CSE1L: variants seen among roughly 807,000 people sequenced by gnomAD.
CSE1L encodes chromosome segregation 1 like, also known as exportin-2.
A neutral mutation model predicts 120.4 loss-of-function variants in CSE1L; 24 were observed. That is an observed-to-expected ratio of 0.20 (90% CI 0.14 to 0.28). The LOEUF (loss-of-function observed/expected upper bound fraction) is 0.28, where lower values mean the gene tolerates loss of function less well. Among genes scored for constraint, CSE1L ranks in the 10% least tolerant of loss-of-function variants. The pLI, the probability that CSE1L is intolerant of heterozygous loss-of-function variation, is 1.00. For synonymous variants in CSE1L, 402 were observed against 398.3 expected (o/e 1.01, Z -0.11); for missense variants, 830 against 1,145.2 (o/e 0.72, Z 3.97).
intron 1 of CSE1L, among the ~76,000 whole-genome samples, chr20:49,054,566 C>G (rs1222637861): frequency 6.6e-6 from 1 of 152,138 alleles, no homozygotes; most frequent in Non-Finnish European, 1.5e-5. Flanking sequence ...ATATGTCAAC[C>G]TGAGTGCCCT....
chr20:49,082,350 G>C (rs1236356257), intron 14 of CSE1L, among the ~76,000 whole-genome samples: 13 of 151,816 alleles, frequency 8.6e-5, no homozygotes, highest in Non-Finnish European at 2.9e-5. Context: ...TGCCATCTTG[G>C]CCAGGCTGGT....
At chr20:49,067,116 ATC>A in intron 5 of CSE1L, 72 bp from the exon 6 acceptor site, 1 of 775,726 alleles carries the variant, frequency 1.3e-6, no homozygotes, top group Non-Finnish European at 2.1e-6. Flanking sequence ...TCCAATCAGC[ATC>A]TCTCCTTGAA....
intron 14 of CSE1L, among the ~76,000 whole-genome samples, chr20:49,081,912 T>G (rs1434318793): frequency 6.6e-6 from 1 of 152,220 alleles, no homozygotes; most frequent in East Asian, 1.9e-4. Context: ...AGGCCATATT[T>G]ATGTATACAT....
At chr20:49,049,490 G>T (rs6090940) in intron 1 of CSE1L, among the ~76,000 whole-genome samples, 54,851 of 151,816 alleles carry the variant, frequency 0.36, 10,720 homozygotes, top group African/African-American at 0.53. Context: ...CAAAATGAAT[G>T]TTTTGTTTCT....
At chr20:49,052,132 A>C (rs1002434079) in intron 1 of CSE1L, among the ~76,000 whole-genome samples, 1 of 152,202 alleles carries the variant, frequency 6.6e-6, no homozygotes, top group African/African-American at 2.4e-5. Context: ...CTAATGATTG[A>C]TCTGAAGGGA....
chr20:49,055,954 A>G (rs1161616472), intron 1 of CSE1L, among the ~76,000 whole-genome samples: 2 of 151,916 alleles, frequency 1.3e-5, no homozygotes, highest in East Asian at 3.9e-4. Context: ...CATTTTACAA[A>G]AATTGTGTGT....
At chr20:49,091,052 AAGT>A in intron 21 of CSE1L, 30 bp downstream of exon 21, 1 of 1,369,404 alleles carries the variant, frequency 7.3e-7, no homozygotes, top group Non-Finnish European at 1.0e-6. Context: ...TGTTCTACAG[AAGT>A]AATGAAAGAA....
In CSE1L at chr20:49,089,239, A is replaced by C. The variant is rs1427828731; in HGVS notation, c.1822-8A>C. 6 of 1,533,028 alleles carry C rather than the reference A, an allele frequency of 3.9e-6. No homozygotes were observed. The East Asian group carries it at 1.4e-4, about 35-fold the overall frequency. 95.0% of individuals were successfully genotyped at this position (1,533,028 alleles called of 1,614,324 possible). On this transcript the variant is annotated splice_polypyrimidine_tract_variant and splice_region_variant and intron_variant, in intron 17 of 24. Transcript: ENST00000262982. ...TAGCATAATTAGGTTTTTTTTTTTT[A>C]ATTTCAGAACCCAAGCAAACCTCAC... is the stretch of plus-strand genomic sequence containing the variant.
At chr20:49,049,641 G>A (rs1230167870) in intron 1 of CSE1L, among the ~76,000 whole-genome samples, 1 of 152,140 alleles carries the variant, frequency 6.6e-6, no homozygotes, top group Non-Finnish European at 1.5e-5. Flanking sequence ...CCTGTAAAAT[G>A]TTCTCTAAAA....
Position 49,065,585 on chromosome 20 carries a change from A to AT in CSE1L, c.229-607_229-606insT, listed in dbSNP as rs1568769284. 8.2e-3 allele frequency among the ~76,000 whole-genome samples: 635 copies of AT among 77,304 alleles called. 13 individuals carry two copies. Among genetic ancestry groups the AT allele is most frequent in the African/African-American group, 0.026 (579 of 21,898 alleles). 50.7% of individuals were successfully genotyped at this position (77,304 alleles called of 152,430 possible). ...GCCATCGCACCTGGCCTAAAATGGAAATTTTTTTTTTTTTTTTTTTTTTTT... is the reference window on the plus strand; with the variant it reads ...GCCATCGCACCTGGCCTAAAATGGAATATTTTTTTTTTTTTTTTTTTTTTTT... On this transcript the variant is annotated intron_variant, in intron 3 of 24. Transcript: ENST00000262982.
rs2092046370 is a variant in CSE1L at position 49,085,265 on chromosome 20, C to A, written c.1620-18C>A. On this transcript the variant is annotated intron_variant, in intron 15 of 24. Transcript: ENST00000262982. ...CTCAAGAGTTGGTAGTGACTGAAAGCTGTTTTTTCATCTATAGCTTTACAG... is the reference window on the plus strand; with the variant it reads ...CTCAAGAGTTGGTAGTGACTGAAAGATGTTTTTTCATCTATAGCTTTACAG... 1 of 1,600,972 alleles carries A rather than the reference C, an allele frequency of 6.2e-7. No homozygotes were observed. The highest frequency in any genetic ancestry group is 8.6e-7 in the Non-Finnish European group (1 of 1,168,244).
At position 49,094,961 on chromosome 20, in the gene CSE1L, A is replaced by C; in HGVS notation, c.2824A>C (p.Arg942=). The change falls in exon 24 of 25, where the codon AGG becomes CGG. Residue 942 remains arginine, a splice_region_variant and synonymous_variant. Coordinates refer to ENST00000262982, the MANE Select transcript of CSE1L (RefSeq NM_001316.4). ...CAAGTTGTCTACCGCCTGTCCAGGA[A>C]GGGTAAGTGTGTTGTCAAAGAACTC... The part of the protein sequence containing the change: ...LHKLSTACPG[R]VPSMVSTSLN... 6.2e-7 allele frequency: 1 copy of C among 1,613,182 alleles called. No homozygotes were observed. The highest frequency in any genetic ancestry group is 8.5e-7 in the Non-Finnish European group (1 of 1,179,220).
At position 49,066,522 on chromosome 20, in the gene CSE1L, T is replaced by C; in HGVS notation, c.476+12T>C. The C allele has an allele frequency of 6.3e-7, 1 of 1,581,472 alleles. No individual in the cohort carries two copies. Among genetic ancestry groups the C allele is most frequent in the Non-Finnish European group, 8.6e-7 (1 of 1,164,054 alleles). On this transcript the variant is annotated intron_variant, in intron 5 of 24. Transcript: ENST00000262982. ...TCATTATTTAAAAGGTATTGATGCATAGATTCATGTTTTTAAAATACTTTC... is the reference window on the plus strand; with the variant it reads ...TCATTATTTAAAAGGTATTGATGCACAGATTCATGTTTTTAAAATACTTTC...
Position 49,096,548 on chromosome 20 carries a change from T to C in CSE1L, c.*110T>C. On this transcript the variant is annotated 3_prime_UTR_variant, in exon 25 of 25. Coordinates refer to ENST00000262982, the MANE Select transcript of CSE1L (RefSeq NM_001316.4). ...GTTCTCCTTTTGAACTTGTCACGAA[T>C]TCCATCTTGTAAAGGATATTAAATG... 1.3e-6 allele frequency: 1 copy of C among 797,604 alleles called. No individual in the cohort carries two copies. Among genetic ancestry groups the C allele is most frequent in the Non-Finnish European group, 2.1e-6 (1 of 477,700 alleles). 49.4% of individuals were successfully genotyped at this position (797,604 alleles called of 1,614,324 possible).
intron 16 of CSE1L, among the ~76,000 whole-genome samples, chr20:49,086,743 AG>A (rs1479887163): frequency 6.6e-6 from 1 of 152,202 alleles, no homozygotes; most frequent in Non-Finnish European, 1.5e-5. Flanking sequence ...AAGAATACAC[AG>A]TATGTAATAC....
At chr20:49,075,617 T>C in intron 12 of CSE1L, 97 bp downstream of exon 12, 2 of 925,228 alleles carry the variant, frequency 2.2e-6, no homozygotes, top group Non-Finnish European at 3.3e-6. Flanking sequence ...GAGCTTACTC[T>C]GCCAGATAAC....
chr20:49,083,890 AGCAGCATCTCCTATTATAACAG>A, intron 14 of CSE1L, 114 bp from the exon 15 acceptor site: 1 of 827,306 alleles, frequency 1.2e-6, no homozygotes, highest in Non-Finnish European at 1.8e-6. Flanking sequence ...GTTTCTGGGC[AGCAGCATCTCCTATTATAACAG>A]AGCTTAAAAA....
At chr20:49,073,929 T>G (rs1340044357) in intron 10 of CSE1L, among the ~76,000 whole-genome samples, 1 of 152,134 alleles carries the variant, frequency 6.6e-6, no homozygotes, top group Non-Finnish European at 1.5e-5. Flanking sequence ...AGGATAAATC[T>G]TCTGGCTGGG....
At chr20:49,058,414 G>T (rs372875852) in intron 1 of CSE1L, 39 bp from the exon 2 acceptor site, 1 of 1,380,492 alleles carries the variant, frequency 7.2e-7, no homozygotes, top group East Asian at 2.3e-5. Context: ...CACTTTTTCC[G>T]TAAGTGACCA....
Sources: gnomAD v4.1 joint callset for allele counts (sites outside exome capture counted in the v4.1 genomes callset) on GRCh38, gnomAD v4.1.1 for gene constraint, MANE v1.5 for transcripts, NCBI Gene and HGNC (gene_info 2026-07-23, HGNC 2026-07-21) for gene names.